The following SIPA1L1 variants were observed in gnomAD, a reference collection of about 807,000 sequenced individuals.
The protein encoded by SIPA1L1 is signal induced proliferation associated 1 like 1.
SIPA1L1 carries 26 observed loss-of-function variants against 162.7 expected under a neutral mutation model. That is an observed-to-expected ratio of 0.16 (90% CI 0.12 to 0.22). The LOEUF is 0.22. Ranked by LOEUF, SIPA1L1 falls within the 10% of genes least tolerant of loss-of-function variation. The probability of loss-of-function intolerance (pLI) is 1.00; values close to 1 mark genes in which losing one functional copy is unlikely to be tolerated. For synonymous variants in SIPA1L1, 829 were observed against 837.4 expected (o/e 0.99, Z 0.17); for missense variants, 1,874 against 2,241.0 (o/e 0.84, Z 3.31).
At chr14:71,709,781 C>T in intron 17 of SIPA1L1, 117 bp downstream of exon 17, 1 of 787,960 alleles carries the variant, frequency 1.3e-6, no homozygotes, top group Non-Finnish European at 2.0e-6. Flanking sequence ...TCTGCAGTGA[C>T]AATTATTTTT....
intron 2 of SIPA1L1, among the ~76,000 whole-genome samples, chr14:71,406,247 A>G (rs996747459): frequency 2.0e-5 from 3 of 152,192 alleles, no homozygotes; most frequent in Non-Finnish European, 4.4e-5. Flanking sequence ...AATGAAGATA[A>G]CTAACCTATA....
At position 71,378,853 on chromosome 14, in the gene SIPA1L1, G is replaced by A. The variant is rs577062030; in HGVS notation, c.-465+57672G>A. Among the ~76,000 whole-genome samples the A allele has an allele frequency of 2.0e-4, 30 of 152,148 alleles. 1 individual carries two copies. The South Asian group carries it at 5.8e-3, about 29-fold the overall frequency. On this transcript the variant is annotated intron_variant, in intron 2 of 23. Transcript: ENST00000381232. ...ATTGTCTCCTTTATAATTATGAAAT[G>A]TTGCTTTTCATAATTATACTCTTGA...
In SIPA1L1 at chr14:71,624,068, G is replaced by A. The variant is rs113418569; in HGVS notation, c.1650G>A (p.Ser550=). ...TGCAGCTCATGACACTGAGAGGTTC[G>A]GTCCTGGAGGACGCCATTCCGTCGA... The part of the protein sequence containing the change: ...RTSELMTLRG[S]VLEDAIPSTA... The change falls in exon 7 of 24, where the codon TCG becomes TCA. Residue 550 remains serine, a synonymous_variant. Transcript: ENST00000381232. The A allele has an allele frequency of 1.3e-5, 21 of 1,609,570 alleles. No homozygotes were observed. In the Admixed American group the frequency reaches 1.8e-4, roughly 14 times the overall value.
intron 12 of SIPA1L1, among the ~76,000 whole-genome samples, chr14:71,677,566 G>C (rs990802154): frequency 6.6e-6 from 1 of 152,130 alleles, no homozygotes; most frequent in South Asian, 2.1e-4. Flanking sequence ...TGTCCTGAAT[G>C]GTATTGCCTA....
At chr14:71,580,393 A>G (rs1034477305) in intron 4 of SIPA1L1, among the ~76,000 whole-genome samples, 2 of 152,168 alleles carry the variant, frequency 1.3e-5, no homozygotes, top group Admixed American at 6.5e-5. Flanking sequence ...CTGCGTAGGT[A>G]CCCTCATCTG....
intron 2 of SIPA1L1, among the ~76,000 whole-genome samples, chr14:71,415,822 C>G (rs1051662073): frequency 6.6e-6 from 1 of 152,128 alleles, no homozygotes; most frequent in Non-Finnish European, 1.5e-5. Flanking sequence ...CTCAGCCTCC[C>G]AAGTAGCTGG....
Position 71,525,362 on chromosome 14 carries a change from T to C in SIPA1L1, c.-361-3950T>C, listed in dbSNP as rs906138956. ...CACACCCGGCTAATTTTTGTGTGTTTTTAATAGAGACAGGGTTTCACTGTG... is the reference window on the plus strand; with the variant it reads ...CACACCCGGCTAATTTTTGTGTGTTCTTAATAGAGACAGGGTTTCACTGTG... On this transcript the variant is annotated intron_variant, in intron 3 of 23. Transcript: ENST00000381232. Among the ~76,000 whole-genome samples, 3 of 152,260 alleles carry C rather than the reference T, an allele frequency of 2.0e-5. No homozygotes were observed. The East Asian group carries it at 5.8e-4, about 29-fold the overall frequency.
At chr14:71,542,706 CTCCTCCTCCTCCT>C (rs2054576152) in intron 4 of SIPA1L1, among the ~76,000 whole-genome samples, 2 of 102,208 alleles carry the variant, frequency 2.0e-5, no homozygotes, top group Admixed American at 1.9e-4. Context: ...CTCCTCCTCC[CTCCTCCTCCTCCT>C]CCTCCTCCTC....
chr14:71,529,076 C>T (rs1052771169), intron 3 of SIPA1L1, among the ~76,000 whole-genome samples: 1 of 151,702 alleles, frequency 6.6e-6, no homozygotes, highest in Non-Finnish European at 1.5e-5. Context: ...CGCACCATTG[C>T]CCTCTAGCCT....
Position 71,625,564 on chromosome 14 carries a change from G to A in SIPA1L1, c.1818+1328G>A, listed in dbSNP as rs188935463. Among the ~76,000 whole-genome samples the A allele has an allele frequency of 4.7e-4, 71 of 152,346 alleles. 1 individual carries two copies. In the East Asian group the frequency reaches 8.7e-3, roughly 19 times the overall value. On this transcript the variant is annotated intron_variant, in intron 7 of 23. Transcript: ENST00000381232. ...CACATACATCTGAAGAATGCTGTGA[G>A]TATCCATGTTCATAATGTGAAAATT... is the stretch of plus-strand genomic sequence containing the variant.
In SIPA1L1 at chr14:71,377,056, C is replaced by T. The variant is rs913983155; in HGVS notation, c.-465+55875C>T. ...CTCAGTGAGCTGTTGGGTACACCTC[C>T]CAGACGGGGTGGCAGCTGGGCAGAG... On this transcript the variant is annotated intron_variant, in intron 2 of 23. Coordinates refer to ENST00000381232, the MANE Select transcript of SIPA1L1 (RefSeq NM_001386936.1). The surrounding 1 kb of genome is among the most constrained non-coding windows in gnomAD (Gnocchi z 4.8). 6.6e-6 allele frequency among the ~76,000 whole-genome samples: 1 copy of T among 151,924 alleles called. No individual in the cohort carries two copies. Among genetic ancestry groups the T allele is most frequent in the Non-Finnish European group, 1.5e-5 (1 of 68,038 alleles).
At chr14:71,409,531 G>T (rs1403997837) in intron 2 of SIPA1L1, among the ~76,000 whole-genome samples, 1 of 152,150 alleles carries the variant, frequency 6.6e-6, no homozygotes, top group Admixed American at 6.5e-5. Flanking sequence ...TGAAAACTAG[G>T]TTTCACCTTT....
intron 2 of SIPA1L1, among the ~76,000 whole-genome samples, chr14:71,453,377 C>T (rs1277550505): frequency 6.6e-6 from 1 of 152,146 alleles, no homozygotes; most frequent in African/African-American, 2.4e-5. Context: ...AGTCCTCCCA[C>T]CTCAGCCTCC....
intron 5 of SIPA1L1, among the ~76,000 whole-genome samples, chr14:71,596,515 C>T (rs2036049180): frequency 6.6e-6 from 1 of 152,136 alleles, no homozygotes; most frequent in Admixed American, 6.6e-5. Context: ...TTAAGAGTAC[C>T]TTCATTTTTT....
intron 4 of SIPA1L1, among the ~76,000 whole-genome samples, chr14:71,544,358 A>G (rs1160393172): frequency 6.6e-6 from 1 of 151,284 alleles, no homozygotes; most frequent in East Asian, 1.9e-4. Flanking sequence ...TACATGTATC[A>G]TATGTGTATA....
chr14:71,523,155 C>G (rs963742964), intron 3 of SIPA1L1, among the ~76,000 whole-genome samples: 1 of 151,866 alleles, frequency 6.6e-6, no homozygotes. Context: ...TTGGTTCTCT[C>G]TCCATTCTGT....
At chr14:71,708,672 T>C (rs1267848308) in intron 16 of SIPA1L1, among the ~76,000 whole-genome samples, 2 of 152,188 alleles carry the variant, frequency 1.3e-5, no homozygotes, top group African/African-American at 2.4e-5. Flanking sequence ...CTCACCATCA[T>C]TTCATGATAA....
Position 71,377,869 on chromosome 14 carries a change from G to C in SIPA1L1, c.-465+56688G>C, listed in dbSNP as rs1230765635. On this transcript the variant is annotated intron_variant, in intron 2 of 23. Transcript: ENST00000381232. The surrounding 1 kb of genome is among the most constrained non-coding windows in gnomAD (Gnocchi z 4.8). The stretch of plus-strand genomic sequence containing the variant: ...CGCGTGCCTGCAATCCCAGGCACTC[G>C]GCAGGCTGAGGCAGGAGAATCAGGC... Among the ~76,000 whole-genome samples the C allele has an allele frequency of 6.6e-6, 1 of 152,208 alleles. No homozygotes were observed. The highest frequency in any genetic ancestry group is 1.5e-5 in the Non-Finnish European group (1 of 68,032).
intron 6 of SIPA1L1, among the ~76,000 whole-genome samples, chr14:71,622,082 T>C (rs982044426): frequency 6.6e-6 from 1 of 152,186 alleles, no homozygotes; most frequent in Non-Finnish European, 1.5e-5. Flanking sequence ...AAGACTTAAT[T>C]TGTATCAGGG....
Sources: allele counts gnomAD v4.1 joint callset (sites outside exome capture counted in the v4.1 genomes callset), GRCh38; gene constraint gnomAD v4.1.1; non-coding constraint Gnocchi (gnomAD v3.1); transcripts MANE v1.5; gene names NCBI Gene and HGNC (gene_info 2026-07-23, HGNC 2026-07-21).